Variants in VPS54 observed in about 807,000 individuals in gnomAD.
VPS54 encodes the protein vacuolar protein sorting-associated protein 54.
VPS54 carries 45 observed loss-of-function variants against 121.5 expected under a neutral mutation model. The ratio of observed to expected loss-of-function variants is 0.37; its 90% confidence interval spans 0.29 to 0.47. The LOEUF is 0.47. VPS54 is among the 20% of genes least tolerant of loss of function. The pLI, the probability that VPS54 is intolerant of heterozygous loss-of-function variation, is 0.99. For synonymous variants in VPS54, 371 were observed against 385.8 expected (o/e 0.96, Z 0.45); for missense variants, 1,090 against 1,131.4 (o/e 0.96, Z 0.52).
intron 7 of VPS54, 53 bp downstream of exon 7, chr2:63,962,005 T>G: frequency 6.8e-7 from 1 of 1,475,614 alleles, no homozygotes; most frequent in Non-Finnish European, 9.0e-7. Flanking sequence ...TGCTCAATTT[T>G]ATCCTTTAAA....
chr2:63,992,280 A>G (rs1171027605), intron 1 of VPS54, among the ~76,000 whole-genome samples: 2 of 152,240 alleles, frequency 1.3e-5, no homozygotes, highest in African/African-American at 4.8e-5. Flanking sequence ...GCCTACCTCC[A>G]TACACATTCA....
intron 1 of VPS54, among the ~76,000 whole-genome samples, chr2:63,989,104 T>A (rs1677193906): frequency 6.6e-6 from 1 of 152,150 alleles, no homozygotes; most frequent in Non-Finnish European, 1.5e-5. Flanking sequence ...CCCCCAGGCT[T>A]ATTAGGATTA....
chr2:64,016,423 G>T (rs1678695571), intron 1 of VPS54, among the ~76,000 whole-genome samples: 1 of 152,078 alleles, frequency 6.6e-6, no homozygotes, highest in Non-Finnish European at 1.5e-5. Context: ...TATATGAAAG[G>T]CCCACATTAG....
At chr2:63,972,093 G>T in intron 4 of VPS54, 73 bp downstream of exon 4, 2 of 936,304 alleles carry the variant, frequency 2.1e-6, no homozygotes, top group Non-Finnish European at 3.0e-6. Context: ...AGGCAATAAG[G>T]TCCCAAAATA....
chr2:63,957,441 C>CAAAAAAAAAAAAAAAAAAAAAAA (rs10551633), intron 7 of VPS54, among the ~76,000 whole-genome samples: 1 of 90,132 alleles, frequency 1.1e-5, no homozygotes, highest in Non-Finnish European at 2.3e-5. Flanking sequence ...GACTCCATCT[C>CAAAAAAAAAAAAAAAAAAAAAAA]AAAAAAAAAA....
At chr2:63,950,925 C>T (rs1292063955) in intron 7 of VPS54, among the ~76,000 whole-genome samples, 1 of 152,140 alleles carries the variant, frequency 6.6e-6, no homozygotes, top group African/African-American at 2.4e-5. Context: ...CTCCTATTAT[C>T]ATGACATTTT....
At chr2:63,899,873 G>T (rs1384078543) in intron 20 of VPS54, among the ~76,000 whole-genome samples, 1 of 152,130 alleles carries the variant, frequency 6.6e-6, no homozygotes, top group African/African-American at 2.4e-5. Context: ...CCCATTCTAA[G>T]CTAGGTGATG....
intron 20 of VPS54, among the ~76,000 whole-genome samples, chr2:63,901,106 T>C (rs1442930683): frequency 7.2e-5 from 11 of 152,224 alleles, no homozygotes. Flanking sequence ...TAAAGTACCA[T>C]TCTAATCGTA....
At chr2:63,988,969 T>A (rs953150379) in intron 1 of VPS54, among the ~76,000 whole-genome samples, 2 of 152,126 alleles carry the variant, frequency 1.3e-5, no homozygotes, top group Admixed American at 1.3e-4. Flanking sequence ...ATATTAATAA[T>A]TAACAGCCCT....
chr2:63,933,925 T>C lies in VPS54; in HGVS notation c.1487A>G (p.Lys496Arg), dbSNP rs1221733564. 1 of 1,613,728 alleles carries C rather than the reference T, an allele frequency of 6.2e-7. No homozygotes were observed. The highest frequency in any genetic ancestry group is 1.7e-5 in the Admixed American group (1 of 59,926). The change falls in exon 12 of 23, where the codon AAG becomes AGG. Residue 496 changes from lysine to arginine, a missense_variant. By Grantham distance (26) the Lys-to-Arg change is conservative. This residue lies in a region of VPS54 where 801 missense variants were observed against 757.0 expected (regional missense o/e 1.06). Transcript: ENST00000272322. The stretch of plus-strand genomic sequence containing the variant: ...CAGTGAATTATCTTTTGCAGCATTC[T>C]TCTGTTGTGAAATCTCTTCCAATTC... ...TRELEEISQQ[K>R]NAAKDNSLDT...
chr2:63,924,589 C>T (rs12476786), intron 12 of VPS54, among the ~76,000 whole-genome samples: 23,106 of 152,084 alleles, frequency 0.15, 2,252 homozygotes, highest in Middle Eastern at 0.25. Context: ...GAGGTTGAGA[C>T]AGGAGGATCA....
intron 7 of VPS54, among the ~76,000 whole-genome samples, chr2:63,959,704 C>A (rs57862698): frequency 0.015 from 2,230 of 151,782 alleles, 62 homozygotes; most frequent in African/African-American, 0.051. Context: ...CTGGGTAACA[C>A]GGCAAGACTC....
intron 2 of VPS54, 140 bp from the exon 3 acceptor site, chr2:63,982,027 A>G (rs932551624): frequency 2.1e-6 from 2 of 931,850 alleles, no homozygotes; most frequent in South Asian, 5.0e-5. Flanking sequence ...ATTTAATAAA[A>G]ATCAATCTGA....
intron 1 of VPS54, among the ~76,000 whole-genome samples, chr2:64,007,053 C>A (rs529613068): frequency 6.6e-6 from 1 of 152,320 alleles, no homozygotes; most frequent in South Asian, 2.1e-4. Flanking sequence ...CATTCCTAAT[C>A]CTGGAGAGAG....
At chr2:63,958,295 CAA>C (rs1675593525) in intron 7 of VPS54, among the ~76,000 whole-genome samples, 1 of 151,914 alleles carries the variant, frequency 6.6e-6, no homozygotes, top group African/African-American at 2.4e-5. Context: ...AAAATAATTT[CAA>C]AGTCAAAAAA....
chr2:63,968,368 T>C (rs1364202422), intron 5 of VPS54, among the ~76,000 whole-genome samples: 1 of 145,542 alleles, frequency 6.9e-6, no homozygotes, highest in Non-Finnish European at 1.6e-5. Context: ...ACACCATAAA[T>C]ATACATCATT....
At chr2:63,995,170 C>G (rs1052132116) in intron 1 of VPS54, among the ~76,000 whole-genome samples, 3 of 152,230 alleles carry the variant, frequency 2.0e-5, no homozygotes, top group African/African-American at 7.2e-5. Context: ...CCCTCTCTCA[C>G]TATCAACGTA....
intron 7 of VPS54, among the ~76,000 whole-genome samples, chr2:63,955,206 A>G (rs1675437382): frequency 6.6e-6 from 1 of 152,044 alleles, no homozygotes; most frequent in African/African-American, 2.4e-5. Flanking sequence ...CAATTCATCT[A>G]GCTTCCTATA....
chr2:63,893,660 C>CA lies in VPS54; in HGVS notation c.2829-126dup. The CA allele has an allele frequency of 4.0e-6, 3 of 755,318 alleles. No individual in the cohort carries two copies. The South Asian group carries it at 5.8e-5, about 15-fold the overall frequency. 46.8% of individuals were successfully genotyped at this position (755,318 alleles called of 1,614,324 possible). ...TCAGATTTCTTAGTGCCCAAGTGTC[C>CA]AAATACTTTACTTAGCAGGATTCCT... On this transcript the variant is annotated intron_variant, in intron 22 of 22. Coordinates refer to ENST00000272322, the MANE Select transcript of VPS54 (RefSeq NM_016516.3).
Sources: allele counts gnomAD v4.1 joint callset (sites outside exome capture counted in the v4.1 genomes callset), GRCh38; gene constraint gnomAD v4.1.1; regional missense constraint gnomAD v4.1.1; transcripts MANE v1.5; gene names NCBI Gene and HGNC (gene_info 2026-07-23, HGNC 2026-07-21).